Variants in OR51B5 observed in about 807,000 individuals in gnomAD.
The protein encoded by OR51B5 is olfactory receptor 51B5.
For missense variants in OR51B5, 456 were observed against 374.6 expected (o/e 1.22, Z -1.79); for synonymous variants, 186 against 144.8 (o/e 1.28, Z -2.04).
At chr11:5,400,130 T>C (rs367655118) in intron 1 of OR51B5, among the ~76,000 whole-genome samples, 18 of 152,198 alleles carry the variant, frequency 1.2e-4, no homozygotes, top group East Asian at 1.2e-3. Flanking sequence ...TGTGATCATT[T>C]GTTAAGGTCA....
At chr11:5,379,997 A>T (rs1015719075) in intron 1 of OR51B5, among the ~76,000 whole-genome samples, 14 of 150,544 alleles carry the variant, frequency 9.3e-5, no homozygotes, top group African/African-American at 3.5e-4. Context: ...TTTAAAAAAA[A>T]AAAATAAGCT....
chr11:5,415,735 G>A (rs1850233537), intron 1 of OR51B5, among the ~76,000 whole-genome samples: 2 of 151,998 alleles, frequency 1.3e-5, no homozygotes, highest in Admixed American at 1.3e-4. Flanking sequence ...GGAAGAAGTT[G>A]AATCTCTGAA....
chr11:5,377,258 C>G (rs1463359806), intron 1 of OR51B5, among the ~76,000 whole-genome samples: 4 of 152,152 alleles, frequency 2.6e-5, no homozygotes, highest in African/African-American at 9.7e-5. Flanking sequence ...CAAAATTCAA[C>G]AACCCTTCAT....
chr11:5,389,443 C>T, intron 1 of OR51B5: 1 of 1,613,890 alleles, frequency 6.2e-7, no homozygotes, highest in East Asian at 2.2e-5. Context: ...TGCTGCTATC[C>T]AACATTACTC....
chr11:5,470,449 T>C (rs1463249130), intron 1 of OR51B5, among the ~76,000 whole-genome samples: 4 of 152,186 alleles, frequency 2.6e-5, no homozygotes, highest in African/African-American at 9.7e-5. Flanking sequence ...TGGAAATTAT[T>C]GTCTACCCAT....
intron 1 of OR51B5, chr11:5,489,039 T>C: frequency 6.2e-7 from 1 of 1,614,118 alleles, no homozygotes. Context: ...ATTCTATCTA[T>C]GCTCTGGAGT....
intron 1 of OR51B5, among the ~76,000 whole-genome samples, chr11:5,477,309 G>C (rs1376253921): frequency 6.6e-6 from 1 of 152,158 alleles, no homozygotes; most frequent in Non-Finnish European, 1.5e-5. Flanking sequence ...TATCCCTTGA[G>C]ATGAGCACAG....
At chr11:5,424,531 CAGGT>C (rs1272448684) in intron 1 of OR51B5, among the ~76,000 whole-genome samples, 1 of 152,048 alleles carries the variant, frequency 6.6e-6, no homozygotes, top group East Asian at 1.9e-4. Flanking sequence ...TCCCAGTACA[CAGGT>C]AGGCATTATT....
At chr11:5,483,643 A>G (rs1265980859) in intron 1 of OR51B5, among the ~76,000 whole-genome samples, 1 of 151,776 alleles carries the variant, frequency 6.6e-6, no homozygotes, top group Non-Finnish European at 1.5e-5. Context: ...GTTTAATTTC[A>G]AATTCCCTTG....
chr11:5,375,279 A>G (rs1054651532), intron 1 of OR51B5, among the ~76,000 whole-genome samples: 3 of 151,448 alleles, frequency 2.0e-5, no homozygotes, highest in Non-Finnish European at 4.4e-5. Flanking sequence ...AGACAAGCAA[A>G]TGCTGAGAGA....
intron 1 of OR51B5, among the ~76,000 whole-genome samples, chr11:5,499,226 A>T (rs1851687929): frequency 6.7e-6 from 1 of 150,216 alleles, no homozygotes; most frequent in Non-Finnish European, 1.5e-5. Flanking sequence ...TGGAGATATG[A>T]TAGTACAGCC....
intron 1 of OR51B5, among the ~76,000 whole-genome samples, chr11:5,469,848 T>A (rs771628976): frequency 6.6e-6 from 1 of 152,152 alleles, no homozygotes; most frequent in Non-Finnish European, 1.5e-5. Context: ...TCCCACCCAC[T>A]GATTGATTCT....
At chr11:5,417,286 T>C (rs1292700625) in intron 1 of OR51B5, among the ~76,000 whole-genome samples, 1 of 148,964 alleles carries the variant, frequency 6.7e-6, no homozygotes, top group Non-Finnish European at 1.5e-5. Context: ...TCAAGATGGA[T>C]TAAAGACTTA....
At chr11:5,438,008 C>T (rs1453891831) in intron 1 of OR51B5, among the ~76,000 whole-genome samples, 1 of 151,392 alleles carries the variant, frequency 6.6e-6, no homozygotes, top group Non-Finnish European at 1.5e-5. Context: ...AGAACACCTT[C>T]TACTTTTCAT....
intron 1 of OR51B5, chr11:5,422,204 TC>T: frequency 6.2e-7 from 1 of 1,605,974 alleles, no homozygotes. Flanking sequence ...ATCAGTCATG[TC>T]CCAGGTGACT....
chr11:5,461,896 T>G (rs1851059722), intron 1 of OR51B5, among the ~76,000 whole-genome samples: 1 of 152,214 alleles, frequency 6.6e-6, no homozygotes, highest in Non-Finnish European at 1.5e-5. Context: ...TCTGGATGCC[T>G]TCTTTCCGAA....
intron 1 of OR51B5, among the ~76,000 whole-genome samples, chr11:5,418,826 A>G (rs924196475): frequency 1.1e-4 from 16 of 151,342 alleles, no homozygotes; most frequent in African/African-American, 3.4e-4. Flanking sequence ...GTGTATACCT[A>G]TGTAACAAAG....
At chr11:5,456,349 T>G (rs1401249284) in intron 1 of OR51B5, 1 of 152,170 alleles carries the variant, frequency 6.6e-6, no homozygotes, top group Non-Finnish European at 1.5e-5. Flanking sequence ...AAATGCACAT[T>G]TATATTTTTC....
intron 1 of OR51B5, among the ~76,000 whole-genome samples, chr11:5,416,437 C>A (rs1210420809): frequency 1.3e-5 from 2 of 152,056 alleles, no homozygotes; most frequent in African/African-American, 4.8e-5. Context: ...GGCAATTAGG[C>A]AGGAAAAGGA....
Sources: gnomAD v4.1 joint callset for allele counts (sites outside exome capture counted in the v4.1 genomes callset) on GRCh38, gnomAD v4.1.1 for gene constraint, MANE v1.5 for transcripts, NCBI Gene and HGNC (gene_info 2026-07-23, HGNC 2026-07-21) for gene names.